Variants in CEMIP observed in about 807,000 individuals in gnomAD.
CEMIP encodes the protein cell migration inducing hyaluronidase 1.
CEMIP carries 105 observed loss-of-function variants against 156.9 expected under a neutral mutation model. The observed-to-expected ratio is 0.67, with a 90% CI of 0.57 to 0.79. The LOEUF (loss-of-function observed/expected upper bound fraction) is 0.79, where lower values mean the gene tolerates loss of function less well. CEMIP is among the 30% of genes least tolerant of loss of function. CEMIP has a pLI of 0.00. For missense variants in CEMIP, 1,457 were observed against 1,769.4 expected (o/e 0.82, Z 3.17); for synonymous variants, 676 against 668.4 (o/e 1.01, Z -0.17).
intron 14 of CEMIP, among the ~76,000 whole-genome samples, chr15:80,911,973 A>AGCTGGGAGAG: frequency 9.0e-6 from 1 of 111,576 alleles, no homozygotes; most frequent in Non-Finnish European, 1.9e-5. Context: ...AGGCTGGGAG[A>AGCTGGGAGAG]GCTGGGAGAG....
intron 1 of CEMIP, among the ~76,000 whole-genome samples, chr15:80,822,588 T>G (rs1274412344): frequency 1.3e-5 from 2 of 152,180 alleles, no homozygotes; most frequent in Admixed American, 1.3e-4. Context: ...GAAAAGATTG[T>G]GAATAAGCTC....
At chr15:80,900,626 GTGTGTGTGTGTGTGTGTGTGTGTC>G (rs1343878070) in intron 12 of CEMIP, among the ~76,000 whole-genome samples, 1,784 of 130,052 alleles carry the variant, frequency 0.014, 23 homozygotes, top group Middle Eastern at 0.02. Flanking sequence ...GTGTGTGTGT[GTGTGTGTGTGTGTGTGTGTGTGTC>G]TGTGTGTGTG....
chr15:80,900,622 G>GTGTGTC (rs1899458812), intron 12 of CEMIP, among the ~76,000 whole-genome samples: 1 of 145,236 alleles, frequency 6.9e-6, no homozygotes, highest in African/African-American at 2.6e-5. Context: ...GTGTGTGTGT[G>GTGTGTC]TGTGTGTGTG....
At position 80,945,356 on chromosome 15, in the gene CEMIP, G is replaced by C. The variant is rs539860393; in HGVS notation, c.3858-1609G>C. ...GTGAGCTAACTTAGATCCCCATCAG[G>C]AGGGCAAGACCTACATTTGAGTCCC... On this transcript the variant is annotated intron_variant, in intron 28 of 29. Transcript: ENST00000394685. Among the ~76,000 whole-genome samples, 66 of 152,376 alleles carry C rather than the reference G, an allele frequency of 4.3e-4. 2 individuals are homozygous for C. In the South Asian group the frequency reaches 0.013, roughly 31 times the overall value.
intron 1 of CEMIP, among the ~76,000 whole-genome samples, chr15:80,827,719 A>G (rs1305799814): frequency 1.3e-5 from 2 of 152,236 alleles, no homozygotes; most frequent in African/African-American, 4.8e-5. Flanking sequence ...ACTGAGAATT[A>G]GGAAAGGATG....
intron 16 of CEMIP, 71 bp from the exon 17 acceptor site, chr15:80,921,938 C>A: frequency 6.2e-7 from 1 of 1,606,814 alleles, no homozygotes; most frequent in Non-Finnish European, 8.5e-7. Context: ...GCGTGGGCCG[C>A]GTGGCCACCT....
chr15:80,794,064 G>A (rs535615546), intron 1 of CEMIP, among the ~76,000 whole-genome samples: 1 of 152,244 alleles, frequency 6.6e-6, no homozygotes, highest in East Asian at 1.9e-4. Context: ...TGAAAAGTGG[G>A]ACAACTTGAG....
intron 14 of CEMIP, 88 bp downstream of exon 14, chr15:80,909,394 AG>A: frequency 7.4e-7 from 1 of 1,353,076 alleles, no homozygotes; most frequent in Non-Finnish European, 1.1e-6. Flanking sequence ...CACTTAATCC[AG>A]GGCCTTTGGG....
intron 1 of CEMIP, among the ~76,000 whole-genome samples, chr15:80,863,846 T>C (rs1194886816): frequency 6.6e-6 from 1 of 152,152 alleles, no homozygotes; most frequent in Non-Finnish European, 1.5e-5. Flanking sequence ...TTTTCATTCA[T>C]GGAATCCCCC....
intron 1 of CEMIP, among the ~76,000 whole-genome samples, chr15:80,841,549 C>A (rs1340962128): frequency 6.6e-6 from 1 of 152,234 alleles, no homozygotes; most frequent in Non-Finnish European, 1.5e-5. Flanking sequence ...GACCTTGTTT[C>A]TCTCTCAGGC....
At chr15:80,830,905 A>T (rs1897142388) in intron 1 of CEMIP, among the ~76,000 whole-genome samples, 1 of 152,072 alleles carries the variant, frequency 6.6e-6, no homozygotes, top group Non-Finnish European at 1.5e-5. Context: ...GGGCAATAAT[A>T]TCTGCTTGTA....
At chr15:80,807,341 C>T (rs1896538301) in intron 1 of CEMIP, among the ~76,000 whole-genome samples, 1 of 151,852 alleles carries the variant, frequency 6.6e-6, no homozygotes, top group Non-Finnish European at 1.5e-5. Context: ...AGTGATCCTC[C>T]TACTTCAGCC....
rs1419264761 is a variant in CEMIP at position 80,942,978 on chromosome 15, G to A, written c.3733G>A (p.Gly1245Ser). ...GAAGAAGTACCCCAGTTCGGAGGAT[G>A]GCATCCAGGTGGTGGTGATTGACGG... ...DGKKYPSSED[G>S]IQVVVIDGNQ... The change falls in exon 28 of 30, where the codon GGC becomes AGC. Residue 1245 changes from glycine to serine, a missense_variant. This residue lies in a region of CEMIP where 798 missense variants were observed against 980.1 expected (regional missense o/e 0.81). Transcript: ENST00000394685. The A allele has an allele frequency of 6.2e-7, 1 of 1,614,120 alleles. No individual in the cohort carries two copies. The highest frequency in any genetic ancestry group is 8.5e-7 in the Non-Finnish European group (1 of 1,180,062).
At chr15:80,925,884 C>A in intron 19 of CEMIP, 129 bp downstream of exon 19, 1 of 1,355,434 alleles carries the variant, frequency 7.4e-7, no homozygotes. Flanking sequence ...CTTCTGGTCC[C>A]CCAGCCAGGC....
chr15:80,871,531 G>A (rs536240535), intron 1 of CEMIP, among the ~76,000 whole-genome samples: 1 of 152,302 alleles, frequency 6.6e-6, no homozygotes, highest in South Asian at 2.1e-4. Context: ...TCCACAGAAG[G>A]AAATGTCTTA....
At chr15:80,944,334 C>G (rs1444969649) in intron 28 of CEMIP, among the ~76,000 whole-genome samples, 3 of 152,014 alleles carry the variant, frequency 2.0e-5, no homozygotes, top group South Asian at 4.1e-4. Context: ...CACAATAGGT[C>G]TGGTGGACAC....
chr15:80,879,893 G>T (rs1428327456), intron 5 of CEMIP, 39 bp downstream of exon 5: 1 of 1,612,440 alleles, frequency 6.2e-7, no homozygotes, highest in African/African-American at 1.3e-5. Flanking sequence ...GCTACCCATG[G>T]ATCTGACAAG....
At position 80,878,831 on chromosome 15, in the gene CEMIP, T is replaced by C; in HGVS notation, c.205T>C (p.Ser69Pro). Residue 69 changes from serine to proline, a missense_variant, in exon 4 of 30, where the codon TCT becomes CCT. By Grantham distance (74) the Ser-to-Pro change is moderately conservative. Around this residue, in one of 5 missense-constraint regions of CEMIP, gnomAD observed 309 missense variants for 340.8 expected, o/e 0.91. Transcript: ENST00000394685. ...GQGKTLLLTS[S>P]ATVYSIHISE... is the part of the protein sequence containing the mutation. Reference sequence around the variant, plus strand: ...GGGCAAGACACTGCTGCTCACCTCTTCTGCCACGGTCTATTCCATCCACAT... The same window carrying C: ...GGGCAAGACACTGCTGCTCACCTCTCCTGCCACGGTCTATTCCATCCACAT... 1 of 1,614,214 alleles carries C rather than the reference T, an allele frequency of 6.2e-7. No individual in the cohort carries two copies. Among genetic ancestry groups the C allele is most frequent in the Non-Finnish European group, 8.5e-7 (1 of 1,180,030 alleles).
chr15:80,892,016 AAC>A (rs1176224243), intron 10 of CEMIP, among the ~76,000 whole-genome samples: 1 of 152,188 alleles, frequency 6.6e-6, no homozygotes, highest in African/African-American at 2.4e-5. Flanking sequence ...ACTAAAATGA[AAC>A]ACAACTCCCC....
Sources: allele counts gnomAD v4.1 joint callset (sites outside exome capture counted in the v4.1 genomes callset), GRCh38; gene constraint gnomAD v4.1.1; regional missense constraint gnomAD v4.1.1; transcripts MANE v1.5; gene names NCBI Gene and HGNC (gene_info 2026-07-23, HGNC 2026-07-21).